PVT1: variants seen among roughly 807,000 people sequenced by gnomAD.
PVT1 encodes the protein Pvt1 oncogene, also known as CXCR4/PVT1 fusion.
intron 2 of PVT1, among the ~76,000 whole-genome samples, chr8:127,797,220 C>T (rs1814407750): frequency 1.3e-5 from 2 of 152,110 alleles, no homozygotes; most frequent in South Asian, 4.1e-4. Context: ...TTAGTAGAGA[C>T]GGAGTTTCTC....
intron 2 of PVT1, among the ~76,000 whole-genome samples, chr8:127,852,988 A>G (rs1397521355): frequency 3.3e-5 from 5 of 152,140 alleles, no homozygotes; most frequent in African/African-American, 1.2e-4. Context: ...GAGAGAACAG[A>G]CAAGGTTCTC....
intron 2 of PVT1, among the ~76,000 whole-genome samples, chr8:127,861,489 A>C (rs1293736274): frequency 1.3e-5 from 2 of 152,042 alleles, no homozygotes; most frequent in Admixed American, 6.5e-5. Context: ...ATCACCCATC[A>C]TTCTGACACT....
At chr8:128,035,618 G>A (rs566154382) in intron 4 of PVT1, among the ~76,000 whole-genome samples, 5 of 152,330 alleles carry the variant, frequency 3.3e-5, no homozygotes, top group South Asian at 2.1e-4. Flanking sequence ...TGGGACCTTC[G>A]ACTGTTATCT....
At chr8:128,097,341 G>A (rs544708914) in intron 6 of PVT1, among the ~76,000 whole-genome samples, 5 of 152,220 alleles carry the variant, frequency 3.3e-5, no homozygotes, top group South Asian at 2.1e-4. Context: ...CAGCCTGGGC[G>A]ACAGAGTGAG....
intron 3 of PVT1, among the ~76,000 whole-genome samples, chr8:127,965,363 A>G (rs560065229): frequency 9.8e-5 from 15 of 152,344 alleles, no homozygotes; most frequent in Admixed American, 2.0e-4. Flanking sequence ...CAGATTCATC[A>G]GAGCCTCAGG....
At chr8:127,999,876 T>C (rs1048931039) in intron 4 of PVT1, among the ~76,000 whole-genome samples, 8 of 152,210 alleles carry the variant, frequency 5.3e-5, no homozygotes, top group African/African-American at 1.4e-4. Flanking sequence ...GCTGAGAACA[T>C]TGGACTTTTC....
At chr8:128,019,013 C>T (rs553184567) in intron 4 of PVT1, among the ~76,000 whole-genome samples, 2 of 152,212 alleles carry the variant, frequency 1.3e-5, no homozygotes, top group Non-Finnish European at 2.9e-5. Context: ...GGAAAGACCT[C>T]AGCTGTCTAG....
chr8:128,100,145 T>C (rs143230821), intron 6 of PVT1, among the ~76,000 whole-genome samples: 6 of 71,528 alleles, frequency 8.4e-5, no homozygotes, highest in East Asian at 2.8e-4. Flanking sequence ...CTCCCTTCCT[T>C]CCTTCCTTCC....
chr8:127,846,616 T>G (rs1007708257), intron 2 of PVT1, among the ~76,000 whole-genome samples: 1 of 152,086 alleles, frequency 6.6e-6, no homozygotes, highest in Non-Finnish European at 1.5e-5. Flanking sequence ...GCAGCTGGTG[T>G]AGCTGATAGC....
intron 3 of PVT1, chr8:127,960,609 T>C (rs763504606): frequency 1.0e-5 from 5 of 478,748 alleles, no homozygotes; most frequent in Middle Eastern, 3.3e-4. Flanking sequence ...AAGCTGAAGA[T>C]AGGGAAAGTG....
At chr8:127,831,858 A>G (rs956160568) in intron 2 of PVT1, among the ~76,000 whole-genome samples, 2 of 152,228 alleles carry the variant, frequency 1.3e-5, no homozygotes, top group Non-Finnish European at 2.9e-5. Flanking sequence ...CCAGTGACCA[A>G]TGAAGGTGAC....
At chr8:127,846,646 C>A (rs1815037623) in intron 2 of PVT1, among the ~76,000 whole-genome samples, 1 of 152,036 alleles carries the variant, frequency 6.6e-6, no homozygotes, top group African/African-American at 2.4e-5. Flanking sequence ...AATGGGTCTG[C>A]ACAATATAAA....
intron 3 of PVT1, among the ~76,000 whole-genome samples, chr8:127,976,866 G>T (rs1309749430): frequency 6.6e-6 from 1 of 152,136 alleles, no homozygotes; most frequent in Non-Finnish European, 1.5e-5. Context: ...GCCTCTTTGT[G>T]ACTTGTGACC....
chr8:127,875,923 AGATT>A (rs1209810932), intron 2 of PVT1, among the ~76,000 whole-genome samples: 1 of 152,136 alleles, frequency 6.6e-6, no homozygotes, highest in Non-Finnish European at 1.5e-5. Context: ...TGCTGGAAAG[AGATT>A]GATTGCTCTC....
chr8:128,081,792 G>A (rs191931024), intron 5 of PVT1, among the ~76,000 whole-genome samples: 14 of 152,258 alleles, frequency 9.2e-5, no homozygotes, highest in East Asian at 1.9e-4. Context: ...GTCCCAAAAC[G>A]AGAAATGAGA....
chr8:127,838,163 C>A (rs1814930181), intron 2 of PVT1, among the ~76,000 whole-genome samples: 1 of 152,016 alleles, frequency 6.6e-6, no homozygotes, highest in Non-Finnish European at 1.5e-5. Context: ...TCCCAAAGTG[C>A]TGGAATTACA....
rs551926457 is a variant in PVT1, at chr8:127,879,532, T to TAAACA, written n.373-11039_373-11035dup. 5.1e-4 allele frequency among the ~76,000 whole-genome samples: 77 copies of TAAACA among 151,988 alleles called. 1 individual carries two copies. In the South Asian group the frequency reaches 0.011, roughly 21 times the overall value. On this transcript the variant is annotated intron_variant and non_coding_transcript_variant, in intron 2 of 10. Coordinates refer to ENST00000651587, the Ensembl canonical transcript of PVT1. ...TGACAGAGCAAGACTCTATCTCAAT[T>TAAACA]AAACAAAACAAAACAAAACAAACAA...
chr8:127,821,594 A>G, intron 2 of PVT1, among the ~76,000 whole-genome samples: 1 of 151,954 alleles, frequency 6.6e-6, no homozygotes, highest in East Asian at 1.9e-4. Context: ...GCTGATCACG[A>G]GGTCAGAAGA....
At chr8:127,857,036 G>A (rs954233963) in intron 2 of PVT1, among the ~76,000 whole-genome samples, 1 of 152,082 alleles carries the variant, frequency 6.6e-6, no homozygotes, top group Non-Finnish European at 1.5e-5. Flanking sequence ...GACCAGCCTG[G>A]CCAACATGGC....
Sources: allele counts gnomAD v4.1 joint callset (sites outside exome capture counted in the v4.1 genomes callset), GRCh38; gene constraint gnomAD v4.1.1; transcripts MANE v1.5; gene names NCBI Gene and HGNC (gene_info 2026-07-23, HGNC 2026-07-21).